The following PRMT7 variants were observed in gnomAD, a reference collection of about 807,000 sequenced individuals.
PRMT7 encodes the protein protein arginine N-methyltransferase 7.
PRMT7 carries 75 observed loss-of-function variants against 85.4 expected under a neutral mutation model. The ratio of observed to expected loss-of-function variants is 0.88; its 90% CI spans 0.73 to 1.06. The LOEUF is 1.06. Ranked by LOEUF, PRMT7 falls within the 50% of genes least tolerant of loss-of-function variation. PRMT7 has a pLI of 0.00. For missense variants in PRMT7, 868 were observed against 915.2 expected (o/e 0.95, Z 0.67); for synonymous variants, 397 against 359.5 (o/e 1.10, Z -1.18).
At chr16:68,322,684 C>T (rs1193142762) in intron 4 of PRMT7, among the ~76,000 whole-genome samples, 2 of 151,724 alleles carry the variant, frequency 1.3e-5, no homozygotes, top group African/African-American at 4.8e-5. Flanking sequence ...AAGGCTGTGC[C>T]ATCCCTGGTT....
chr16:68,323,515 C>T (rs1235293843), intron 4 of PRMT7, among the ~76,000 whole-genome samples: 1 of 152,100 alleles, frequency 6.6e-6, no homozygotes, highest in Non-Finnish European at 1.5e-5. Flanking sequence ...TCACTGCACC[C>T]GGCCTGGTAA....
intron 3 of PRMT7, among the ~76,000 whole-genome samples, chr16:68,317,970 G>T (rs2082070614): frequency 6.6e-6 from 1 of 152,106 alleles, no homozygotes; most frequent in South Asian, 2.1e-4. Context: ...GGGTCATTTT[G>T]TAAAGGGTGG....
rs200673076 is a variant in PRMT7, at chr16:68,352,326, A to T, written c.1492A>T (p.Thr498Ser). 8.1e-6 allele frequency: 13 copies of T among 1,612,858 alleles called. No homozygotes were observed. Among genetic ancestry groups the T allele is most frequent in the Non-Finnish European group, 1.1e-5 (13 of 1,180,004 alleles). The change falls in exon 15 of 19, where the codon ACC (threonine) becomes TCC (serine). Residue 498 changes from threonine to serine, a missense_variant. Coordinates refer to ENST00000441236, the MANE Select transcript of PRMT7 (RefSeq NM_019023.5). The stretch of plus-strand genomic sequence containing the variant: ...CAACCTCTACTTCTGGTACGTGCGG[A>T]CCGCTGTGGACCAGCACCTGGGGCC... ...WHNLYFWYVR[T>S]AVDQHLGPGA...
At chr16:68,322,367 T>G in intron 4 of PRMT7, 1 of 447,502 alleles carries the variant, frequency 2.2e-6, no homozygotes, top group Non-Finnish European at 4.5e-6. Context: ...CTGGCTAATT[T>G]TTGTATGTTT....
At chr16:68,340,389 G>T (rs774715474) in intron 9 of PRMT7, among the ~76,000 whole-genome samples, 1 of 152,128 alleles carries the variant, frequency 6.6e-6, no homozygotes, top group Non-Finnish European at 1.5e-5. Flanking sequence ...AGGAAATACA[G>T]ATGATGGGGA....
At chr16:68,315,716 A>G (rs1233417211) in intron 2 of PRMT7, 181 bp from the exon 3 acceptor site, 2 of 438,300 alleles carry the variant, frequency 4.6e-6, no homozygotes, top group Non-Finnish European at 8.4e-6. Context: ...CCTGCTGGAA[A>G]CATTTACAAT....
At chr16:68,311,697 A>G (rs2043744421) in intron 1 of PRMT7, 1 of 152,212 alleles carries the variant, frequency 6.6e-6, no homozygotes, top group African/African-American at 2.4e-5. Flanking sequence ...CATTTTGCTT[A>G]TGCAACCTAG....
chr16:68,338,313 G>A (rs1011913880), intron 7 of PRMT7, among the ~76,000 whole-genome samples: 10 of 152,070 alleles, frequency 6.6e-5, no homozygotes, highest in African/African-American at 2.2e-4. Flanking sequence ...CGATGCTAGG[G>A]TTTGGGCACC....
intron 2 of PRMT7, 55 bp downstream of exon 2, chr16:68,312,231 T>TATA (rs1567615815): frequency 5.5e-4 from 29 of 53,082 alleles, no homozygotes; most frequent in Admixed American, 1.2e-3. Flanking sequence ...ATATATATAT[T>TATA]TTTTTTTTTA....
At chr16:68,317,146 G>A (rs774402671) in intron 3 of PRMT7, among the ~76,000 whole-genome samples, 3 of 147,142 alleles carry the variant, frequency 2.0e-5, no homozygotes, top group Middle Eastern at 3.4e-3. Context: ...GCTGAGGCAG[G>A]AAAATCACTT....
In PRMT7 at chr16:68,321,657, A is replaced by C. The variant is rs1011346571; in HGVS notation, c.132+195A>C. On this transcript the variant is annotated intron_variant, in intron 4 of 18. Coordinates refer to ENST00000441236, the MANE Select transcript of PRMT7 (RefSeq NM_019023.5). ...GTTGTTTAATCTCCCAGCTTTATCA[A>C]GATAGAACTGACAAATAAAAATGGT... is the stretch of plus-strand genomic sequence containing the variant. 22 of 513,148 alleles carry C rather than the reference A, an allele frequency of 4.3e-5. No homozygotes were observed. In the East Asian group the frequency reaches 6.8e-4, roughly 16 times the overall value. 31.8% of individuals were successfully genotyped at this position (513,148 alleles called of 1,614,324 possible). A position where few individuals can be genotyped will look rare whatever the true frequency, so the allele number is the denominator to read the frequency against.
At chr16:68,339,241 T>C in intron 7 of PRMT7, 81 bp from the exon 8 acceptor site, 1 of 1,574,856 alleles carries the variant, frequency 6.3e-7, no homozygotes, top group Admixed American at 1.7e-5. Flanking sequence ...TGTTAAGGAA[T>C]AAACCTCTTT....
In PRMT7 at chr16:68,324,772, C is replaced by G; in HGVS notation, c.222C>G (p.Gly74=). The change falls in exon 5 of 19, where the codon GGC becomes GGG. Residue 74 remains glycine, a synonymous_variant. Coordinates refer to ENST00000441236, the MANE Select transcript of PRMT7 (RefSeq NM_019023.5). ...QKALVLDIGT[G]TGLLSMMAVT... ...CCTTGGTTCTCGACATTGGCACTGG[C>G]ACGGGACTCTTGTCAATGATGGCGG... is the stretch of plus-strand genomic sequence containing the variant. 3.7e-6 allele frequency: 6 copies of G among 1,614,084 alleles called. No homozygotes were observed. The highest frequency in any genetic ancestry group is 5.1e-6 in the Non-Finnish European group (6 of 1,179,986).
At chr16:68,335,761 T>C (rs1050543318) in intron 6 of PRMT7, among the ~76,000 whole-genome samples, 2 of 151,416 alleles carry the variant, frequency 1.3e-5, no homozygotes, top group African/African-American at 2.4e-5. Context: ...GTTGTGCTCT[T>C]CTATCAGCTG....
chr16:68,350,381 C>T (rs1331961741), intron 14 of PRMT7, among the ~76,000 whole-genome samples: 2 of 151,522 alleles, frequency 1.3e-5, no homozygotes, highest in Admixed American at 6.6e-5. Flanking sequence ...ACATCCCCAT[C>T]GGTAACATCT....
Position 68,339,774 on chromosome 16 carries a change from A to G in PRMT7, c.747-14A>G. 1.2e-6 allele frequency: 2 copies of G among 1,610,844 alleles called. No individual in the cohort carries two copies. The highest frequency in any genetic ancestry group is 1.7e-6 in the Non-Finnish European group (2 of 1,176,970). ...GGTTAAACTCTGCTTACATTCTTGAATATTATTCCTCAGCATAGACTTCAG... is the reference window on the plus strand; with the variant it reads ...GGTTAAACTCTGCTTACATTCTTGAGTATTATTCCTCAGCATAGACTTCAG... On this transcript the variant is annotated splice_polypyrimidine_tract_variant and intron_variant, in intron 8 of 18. Transcript: ENST00000441236.
Position 68,337,580 on chromosome 16 carries a change from C to A in PRMT7, c.504+9C>A. 2 of 1,582,634 alleles carry A rather than the reference C, an allele frequency of 1.3e-6. No individual in the cohort carries two copies. Among genetic ancestry groups the A allele is most frequent in the Middle Eastern group, 1.7e-4 (1 of 5,980 alleles). The stretch of plus-strand genomic sequence containing the variant: ...ACAGGCATCTCGTGGAGGTAGTAGA[C>A]GGAGGGCTCCCTCAGACGTGTCTGT... On this transcript the variant is annotated intron_variant, in intron 7 of 18. Coordinates refer to ENST00000441236, the MANE Select transcript of PRMT7 (RefSeq NM_019023.5).
At chr16:68,337,621 A>G in intron 7 of PRMT7, 50 bp downstream of exon 7, 1 of 1,292,862 alleles carries the variant, frequency 7.7e-7, no homozygotes, top group Non-Finnish European at 1.1e-6. Context: ...CAGCCAGCTC[A>G]CATAGCACTC....
chr16:68,330,207 T>G (rs1320025926), intron 6 of PRMT7, among the ~76,000 whole-genome samples: 1 of 152,186 alleles, frequency 6.6e-6, no homozygotes, highest in Non-Finnish European at 1.5e-5. Flanking sequence ...AGAATATTTT[T>G]TATAGTCTAG....
Sources: gnomAD v4.1 joint callset for allele counts (sites outside exome capture counted in the v4.1 genomes callset) on GRCh38, gnomAD v4.1.1 for gene constraint, MANE v1.5 for transcripts, NCBI Gene and HGNC (gene_info 2026-07-23, HGNC 2026-07-21) for gene names.